IPO7: variants seen among roughly 807,000 people sequenced by gnomAD.
IPO7 encodes importin 7, also known as importin-7.
Under a neutral mutation model 136.4 loss-of-function variants are expected in IPO7, and 13 were observed. That is an observed-to-expected ratio of 0.10 (90% CI 0.06 to 0.15). The LOEUF is 0.15. IPO7 is among the 10% of genes least tolerant of loss of function. The pLI, the probability that IPO7 is intolerant of heterozygous loss-of-function variation, is 1.00. For missense variants in IPO7, 857 were observed against 1,240.6 expected (o/e 0.69, Z 4.65); for synonymous variants, 403 against 404.4 (o/e 1.00, Z 0.04).
At chr11:9,430,067 C>CT (rs1855271384) in intron 15 of IPO7, among the ~76,000 whole-genome samples, 1 of 152,074 alleles carries the variant, frequency 6.6e-6, no homozygotes, top group South Asian at 2.1e-4. Context: ...GGTGTGCAAC[C>CT]TAGATCCTTG....
rs948141295 is a variant in IPO7 at position 9,430,953 on chromosome 11, A to G, written c.1831A>G (p.Ile611Val). ...SDDKAVTAMGILNTIDTLLSV... is the reference protein window; with the variant it reads ...SDDKAVTAMGVLNTIDTLLSV... ...TGACAAAGCAGTTACTGCTATGGGA[A>G]TTCTGAATACAATTGATACACTTCT... The change falls in exon 16 of 25, where the codon ATT becomes GTT. Residue 611 changes from isoleucine to valine, a missense_variant. Transcript: ENST00000379719. 6.2e-7 allele frequency: 1 copy of G among 1,611,150 alleles called. No homozygotes were observed. The highest frequency in any genetic ancestry group is 1.7e-5 in the Admixed American group (1 of 60,012).
At chr11:9,436,842 TTATATATATATATATATA>T (rs1370673296) in intron 20 of IPO7, among the ~76,000 whole-genome samples, 4 of 24,458 alleles carry the variant, frequency 1.6e-4, no homozygotes, top group Non-Finnish European at 2.7e-4. Flanking sequence ...CCGCCTGATT[TTATATATATATATATATA>T]TATATATATT....
intron 20 of IPO7, among the ~76,000 whole-genome samples, chr11:9,437,339 C>T (rs1368559273): frequency 4.3e-5 from 3 of 69,672 alleles, no homozygotes; most frequent in African/African-American, 6.7e-5. Context: ...CTCACTGCCT[C>T]TGCCTCCCAG....
At chr11:9,427,044 T>A (rs1855220249) in intron 12 of IPO7, among the ~76,000 whole-genome samples, 1 of 152,138 alleles carries the variant, frequency 6.6e-6, no homozygotes, top group Admixed American at 6.5e-5. Context: ...GAGATGGGGT[T>A]TTGCCATGTT....
chr11:9,419,320 C>T (rs77336728), intron 6 of IPO7, among the ~76,000 whole-genome samples: 2 of 151,816 alleles, frequency 1.3e-5, no homozygotes, highest in Non-Finnish European at 1.5e-5. Flanking sequence ...GAGGCTGAGG[C>T]GGGCGGATCA....
chr11:9,389,045 T>TTTA (rs1215971585), intron 1 of IPO7, among the ~76,000 whole-genome samples: 21 of 151,572 alleles, frequency 1.4e-4, no homozygotes, highest in Non-Finnish European at 2.7e-4. Flanking sequence ...TTTTTTAAAA[T>TTTA]TTATTATTAT....
intron 1 of IPO7, among the ~76,000 whole-genome samples, chr11:9,397,341 A>AAAAAAAAATATATATATATATATATATAT: frequency 6.5e-4 from 7 of 10,760 alleles, no homozygotes; most frequent in African/African-American, 1.0e-3. Context: ...TTTAAAAAAA[A>AAAAAAAAATATATATATATATATATATAT]ATATATATAT....
At chr11:9,423,928 C>T in intron 10 of IPO7, 52 bp downstream of exon 10, 1 of 1,075,094 alleles carries the variant, frequency 9.3e-7, no homozygotes, top group Non-Finnish European at 1.4e-6. Flanking sequence ...ATTAAGATTA[C>T]AGTGATTGCA....
chr11:9,407,461 A>G (rs544770037), intron 2 of IPO7, among the ~76,000 whole-genome samples: 7 of 152,164 alleles, frequency 4.6e-5, no homozygotes, highest in African/African-American at 1.7e-4. Context: ...GGCTGAGGCA[A>G]GGAGAATCGC....
intron 1 of IPO7, among the ~76,000 whole-genome samples, chr11:9,386,918 T>G (rs537994973): frequency 1.3e-5 from 2 of 152,216 alleles, no homozygotes; most frequent in African/African-American, 4.8e-5. Context: ...TTATAACACC[T>G]AGATTTTTAA....
At chr11:9,415,307 A>T (rs893998802) in intron 5 of IPO7, among the ~76,000 whole-genome samples, 4 of 150,424 alleles carry the variant, frequency 2.7e-5, no homozygotes, top group African/African-American at 9.8e-5. Flanking sequence ...GGGCAACAAG[A>T]GCAAAACTCT....
chr11:9,408,330 A>G (rs1854917385), intron 2 of IPO7, among the ~76,000 whole-genome samples, 156 bp from the exon 3 acceptor site: 1 of 152,222 alleles, frequency 6.6e-6, no homozygotes, highest in Admixed American at 6.5e-5. Context: ...TTTGTGCATT[A>G]TCAACTTTAA....
At chr11:9,420,023 C>T (rs1054262015) in intron 6 of IPO7, among the ~76,000 whole-genome samples, 1 of 152,176 alleles carries the variant, frequency 6.6e-6, no homozygotes, top group South Asian at 2.1e-4. Flanking sequence ...TAACCTTCTA[C>T]TATGAAAGGC....
chr11:9,429,255 C>G, intron 14 of IPO7, 59 bp downstream of exon 14: 1 of 1,410,788 alleles, frequency 7.1e-7, no homozygotes, highest in South Asian at 1.3e-5. Flanking sequence ...TAGGTCACAC[C>G]TGTAATCTTA....
chr11:9,399,963 G>A (rs1249472900), intron 1 of IPO7, among the ~76,000 whole-genome samples: 1 of 151,928 alleles, frequency 6.6e-6, no homozygotes, highest in Non-Finnish European at 1.5e-5. Context: ...CTTTTCCCTT[G>A]GTAACTGAGG....
intron 12 of IPO7, among the ~76,000 whole-genome samples, chr11:9,426,277 G>C (rs1027265451): frequency 6.6e-6 from 1 of 152,118 alleles, no homozygotes; most frequent in Non-Finnish European, 1.5e-5. Context: ...CATATAATAC[G>C]TAGCTCTTTG....
rs914196630 is a variant in IPO7, at chr11:9,400,565, G to A, written c.85-2725G>A. 4.6e-5 allele frequency among the ~76,000 whole-genome samples: 7 copies of A among 152,140 alleles called. No homozygotes were observed. The East Asian group carries it at 1.4e-3, about 30-fold the overall frequency. On this transcript the variant is annotated intron_variant, in intron 1 of 24. Transcript: ENST00000379719. Reference sequence around the variant, plus strand: ...GCCTCCAGAGTAGCTGGGGACTACAGGCGCCTGCCACCTCACCTGGCTAAT... The same window carrying A: ...GCCTCCAGAGTAGCTGGGGACTACAAGCGCCTGCCACCTCACCTGGCTAAT...
intron 23 of IPO7, among the ~76,000 whole-genome samples, chr11:9,441,658 C>T (rs1037636582): frequency 6.6e-6 from 1 of 152,194 alleles, no homozygotes; most frequent in Non-Finnish European, 1.5e-5. Flanking sequence ...TGTAGACAGA[C>T]ACCACATGTC....
chr11:9,437,977 A>G lies in IPO7; in HGVS notation c.2489+3A>G, dbSNP rs1362976533. ...AATGATGTTGACTGTTTCTTGGGGTAAGTGATGTATTGCAATTTTACTACA... is the reference window on the plus strand; with the variant it reads ...AATGATGTTGACTGTTTCTTGGGGTGAGTGATGTATTGCAATTTTACTACA... On this transcript the variant is annotated splice_donor_region_variant and intron_variant, in intron 21 of 24. Coordinates refer to ENST00000379719, the MANE Select transcript of IPO7 (RefSeq NM_006391.3). 3.1e-6 allele frequency: 5 copies of G among 1,608,096 alleles called. No individual in the cohort carries two copies. In the Admixed American group the frequency reaches 8.4e-5, roughly 27 times the overall value.
Sources: allele counts gnomAD v4.1 joint callset (sites outside exome capture counted in the v4.1 genomes callset), GRCh38; gene constraint gnomAD v4.1.1; transcripts MANE v1.5; gene names NCBI Gene and HGNC (gene_info 2026-07-23, HGNC 2026-07-21).